The following ADD3 variants were observed in gnomAD, a reference collection of about 807,000 sequenced individuals.
ADD3 encodes gamma-adducin.
A neutral mutation model predicts 80.2 loss-of-function variants in ADD3; 25 were observed. The observed-to-expected ratio is 0.31, with a 90% confidence interval of 0.23 to 0.44. ADD3 has a LOEUF of 0.44. ADD3 is among the 20% of genes least tolerant of loss of function. The pLI, the probability that ADD3 is intolerant of heterozygous loss-of-function variation, is 1.00. For missense variants in ADD3, 829 were observed against 847.5 expected (o/e 0.98, Z 0.27); for synonymous variants, 284 against 289.6 (o/e 0.98, Z 0.20).
chr10:110,133,513 G>A lies in ADD3; in HGVS notation c.2016G>A (p.Leu672=). 6.2e-7 allele frequency: 1 copy of A among 1,613,582 alleles called. No homozygotes were observed. Among genetic ancestry groups the A allele is most frequent in the Non-Finnish European group, 8.5e-7 (1 of 1,179,738 alleles). The change falls in exon 15 of 15, where the codon CTG becomes CTA. Residue 672 remains leucine (L), a synonymous_variant. Coordinates refer to ENST00000356080, the MANE Select transcript of ADD3 (RefSeq NM_016824.5). ...IKSPEKIEEV[L]SPEGSPSKSP... The stretch of plus-strand genomic sequence containing the variant: ...CTCCAGAGAAAATCGAAGAAGTCCT[G>A]TCACCTGAAGGCTCCCCTTCAAAAT...
chr10:110,124,915 A>T (rs1026870238), intron 10 of ADD3, among the ~76,000 whole-genome samples: 4 of 152,200 alleles, frequency 2.6e-5, no homozygotes, highest in Admixed American at 6.5e-5. Context: ...TTAAAACATT[A>T]TGAGAATTTT....
chr10:110,025,231 G>C (rs926585377), intron 1 of ADD3, among the ~76,000 whole-genome samples: 15 of 151,922 alleles, frequency 9.9e-5, no homozygotes, highest in Admixed American at 8.5e-4. Flanking sequence ...CCTAGCGTCC[G>C]TTCCACTAAG....
chr10:110,132,491 C>G (rs537128849), intron 14 of ADD3, 91 bp downstream of exon 14: 2 of 727,292 alleles, frequency 2.7e-6, no homozygotes, highest in East Asian at 2.7e-5. Context: ...AGTTGAATAC[C>G]TCATCACAGT....
At chr10:110,051,883 G>A (rs1857554371) in intron 1 of ADD3, among the ~76,000 whole-genome samples, 2 of 152,120 alleles carry the variant, frequency 1.3e-5, no homozygotes, top group Admixed American at 1.3e-4. Flanking sequence ...GCTCACTGCA[G>A]CCTCAACCTC....
intron 2 of ADD3, among the ~76,000 whole-genome samples, chr10:110,108,337 T>C (rs1849618744): frequency 6.6e-6 from 1 of 152,194 alleles, no homozygotes; most frequent in African/African-American, 2.4e-5. Context: ...GCTTATTAGT[T>C]GTATTTGGTT....
chr10:110,016,115 A>T (rs1401898808), intron 1 of ADD3, among the ~76,000 whole-genome samples: 1 of 152,174 alleles, frequency 6.6e-6, no homozygotes, highest in Non-Finnish European at 1.5e-5. Flanking sequence ...TTGAAGAGAG[A>T]ACCCCTGCTT....
chr10:110,020,717 T>G (rs892698449), intron 1 of ADD3, among the ~76,000 whole-genome samples: 1 of 152,198 alleles, frequency 6.6e-6, no homozygotes, highest in Non-Finnish European at 1.5e-5. Flanking sequence ...AATGCAATAC[T>G]CTTGGTGAGA....
At chr10:110,120,166 T>C (rs1446405921) in intron 8 of ADD3, among the ~76,000 whole-genome samples, 2 of 150,800 alleles carry the variant, frequency 1.3e-5, no homozygotes, top group Admixed American at 1.3e-4. Flanking sequence ...GCTGGTGCGC[T>C]GCACCCACCA....
intron 1 of ADD3, among the ~76,000 whole-genome samples, chr10:110,078,253 T>G (rs1289511595): frequency 1.3e-5 from 2 of 152,214 alleles, no homozygotes; most frequent in African/African-American, 2.4e-5. Flanking sequence ...GACATTAGTT[T>G]CTTTACCTGT....
At chr10:110,075,239 T>C (rs1845252746) in intron 1 of ADD3, among the ~76,000 whole-genome samples, 1 of 152,190 alleles carries the variant, frequency 6.6e-6, no homozygotes, top group Non-Finnish European at 1.5e-5. Flanking sequence ...TCTGATATCA[T>C]TGGCAGATTT....
intron 1 of ADD3, among the ~76,000 whole-genome samples, chr10:110,031,972 T>C (rs1855090394): frequency 1.3e-5 from 2 of 152,112 alleles, no homozygotes; most frequent in Admixed American, 6.5e-5. Context: ...TTTAATCTTA[T>C]TGGCAGCCAG....
At chr10:110,132,945 AAGAATT>A (rs1279604388) in intron 14 of ADD3, among the ~76,000 whole-genome samples, 4 of 151,446 alleles carry the variant, frequency 2.6e-5, no homozygotes, top group African/African-American at 9.7e-5. Context: ...AAAAAAAAAA[AAGAATT>A]TGTGGAATTA....
chr10:110,065,715 T>G (rs1464242302), intron 1 of ADD3, among the ~76,000 whole-genome samples: 1 of 151,110 alleles, frequency 6.6e-6, no homozygotes, highest in Non-Finnish European at 1.5e-5. Flanking sequence ...AGTTTTTGTA[T>G]TTTTAGTAGA....
intron 1 of ADD3, among the ~76,000 whole-genome samples, chr10:110,063,764 TATATATATATATATATATAA>T (rs1475859821): frequency 6.7e-5 from 5 of 74,508 alleles, no homozygotes; most frequent in African/African-American, 1.8e-4. Flanking sequence ...TATATATATA[TATATATATATATATATATAA>T]AGTGAACACC....
intron 13 of ADD3, among the ~76,000 whole-genome samples, 164 bp downstream of exon 13, chr10:110,130,650 G>GTT (rs1852843747): frequency 6.6e-6 from 1 of 152,130 alleles, no homozygotes; most frequent in South Asian, 2.1e-4. Context: ...GAGGTCAGGA[G>GTT]TTTGAGACCA....
chr10:110,060,842 A>G (rs1476737605), intron 1 of ADD3, among the ~76,000 whole-genome samples: 1 of 152,176 alleles, frequency 6.6e-6, no homozygotes, highest in Non-Finnish European at 1.5e-5. Context: ...TAGGAGGTGG[A>G]TTCCAATTTA....
chr10:110,045,546 C>G (rs1165501444), intron 1 of ADD3, among the ~76,000 whole-genome samples: 2 of 152,072 alleles, frequency 1.3e-5, no homozygotes, highest in African/African-American at 4.8e-5. Flanking sequence ...ATTTTCAGTA[C>G]ATGTTTTGGA....
chr10:110,064,749 A>G (rs1241120213), intron 1 of ADD3, among the ~76,000 whole-genome samples: 1 of 152,152 alleles, frequency 6.6e-6, no homozygotes, highest in Non-Finnish European at 1.5e-5. Context: ...CTTATTTTCT[A>G]TTCTTATCTT....
chr10:110,007,244 G>A (rs1462173762), upstream of ADD3, among the ~76,000 whole-genome samples: 1 of 152,220 alleles, frequency 6.6e-6, no homozygotes, highest in Non-Finnish European at 1.5e-5. Flanking sequence ...CGGGAGTGAA[G>A]ACTCTCGAGG....
Sources: gnomAD v4.1 joint callset for allele counts (sites outside exome capture counted in the v4.1 genomes callset) on GRCh38, gnomAD v4.1.1 for gene constraint, MANE v1.5 for transcripts, NCBI Gene and HGNC (gene_info 2026-07-23, HGNC 2026-07-21) for gene names.